Variants in MCF2L observed in about 807,000 individuals in gnomAD.
MCF2L encodes guanine nucleotide exchange factor DBS.
A neutral mutation model predicts 153.4 loss-of-function variants in MCF2L; 97 were observed. That is an observed-to-expected ratio of 0.63 (90% confidence interval 0.54 to 0.75). The LOEUF (loss-of-function observed/expected upper bound fraction) is 0.75, where lower values mean the gene tolerates loss of function less well. Ranked by LOEUF, MCF2L falls within the 30% of genes least tolerant of loss-of-function variation. The pLI is 0.00. For missense variants in MCF2L, 1,347 were observed against 1,495.2 expected (o/e 0.90, Z 1.64); for synonymous variants, 659 against 632.2 (o/e 1.04, Z -0.64).
intron 2 of MCF2L, among the ~76,000 whole-genome samples, chr13:112,936,406 CTG>C (rs2081515788): frequency 1.3e-5 from 2 of 151,774 alleles, no homozygotes; most frequent in Admixed American, 6.6e-5. Context: ...TGCTTTGGTT[CTG>C]CAGCCCAGGA....
rs941428141 is a variant in MCF2L at position 112,983,653 on chromosome 13, C to T, written c.79+14195C>T. ...TGTCCCCTGCCTTATCTCGCTGGCT[C>T]TGCCCTTGGTCATCAGGATGTGAGG... On this transcript the variant is annotated intron_variant, in intron 1 of 29. Transcript: ENST00000535094. This position sits in a 1 kb window ranked among gnomAD's most constrained non-coding sequence, Gnocchi z 4.0. Among the ~76,000 whole-genome samples the T allele has an allele frequency of 2.0e-5, 3 of 152,226 alleles. No individual in the cohort carries two copies.
At chr13:112,924,251 C>T (rs2081381727) in intron 2 of MCF2L, among the ~76,000 whole-genome samples, 1 of 152,072 alleles carries the variant, frequency 6.6e-6, no homozygotes, top group Non-Finnish European at 1.5e-5. Flanking sequence ...CGTTAGAGTG[C>T]CCCCACACGC....
In MCF2L at chr13:113,066,085, C is replaced by A; in HGVS notation, c.796C>A (p.Leu266Met). Reference sequence around the variant, plus strand: ...GGCACTGAAAGAGGGGCACAGTGTCCTGGAGAGCCTCAGGGAGCTGCAGGC... The same window carrying A: ...GGCACTGAAAGAGGGGCACAGTGTCATGGAGAGCCTCAGGGAGCTGCAGGC... ...RLALKEGHSV[L>M]ESLRELQAEG... The change falls in exon 8 of 30, where the codon CTG becomes ATG. Residue 266 changes from leucine to methionine, a missense_variant. This residue lies in a region of MCF2L where 820 missense variants were observed against 921.2 expected (regional missense o/e 0.89). Coordinates refer to ENST00000535094, the MANE Select transcript of MCF2L (RefSeq NM_001112732.3). 1.2e-6 allele frequency: 2 copies of A among 1,613,378 alleles called. No individual in the cohort carries two copies. Among genetic ancestry groups the A allele is most frequent in the Non-Finnish European group, 8.5e-7 (1 of 1,179,918 alleles).
At chr13:113,020,868 ATGTG>A (rs758429989) in intron 2 of MCF2L, among the ~76,000 whole-genome samples, 1 of 144,856 alleles carries the variant, frequency 6.9e-6, no homozygotes, top group Admixed American at 6.8e-5. Context: ...TAGTGTGTAT[ATGTG>A]TGTATGTGTA....
chr13:112,913,418 C>G (rs1209471439), intron 2 of MCF2L, among the ~76,000 whole-genome samples: 2 of 151,942 alleles, frequency 1.3e-5, no homozygotes, highest in East Asian at 3.8e-4. Flanking sequence ...GATGTGTGGC[C>G]GTCATGATGT....
In MCF2L at chr13:113,074,587, C is replaced by T. The variant is rs113134243; in HGVS notation, c.1116+24C>T. ...GCGTAAGGCGGGGTCCCGGCGGGGG[C>T]GGCGGGAGAGTGTGGGCAGCATCAT... On this transcript the variant is annotated intron_variant, in intron 10 of 29. Transcript: ENST00000535094. The surrounding 1 kb of genome is among the most constrained non-coding windows in gnomAD (Gnocchi z 4.2). 2.7e-4 allele frequency: 427 copies of T among 1,610,320 alleles called. No homozygotes were observed. The African/African-American group carries it at 4.7e-3, about 18-fold the overall frequency.
chr13:112,962,270 G>T (rs2081840359), intron 2 of MCF2L, among the ~76,000 whole-genome samples: 1 of 151,442 alleles, frequency 6.6e-6, no homozygotes, highest in Non-Finnish European at 1.5e-5. Flanking sequence ...CACACATGTA[G>T]GCACAGATGC....
rs373718146 is a variant in MCF2L at position 113,044,618 on chromosome 13, G to A, written c.279-653G>A. 3.5e-5 allele frequency: 56 copies of A among 1,585,432 alleles called. No individual in the cohort carries two copies. In the African/African-American group the frequency reaches 5.6e-4, roughly 16 times the overall value. The stretch of plus-strand genomic sequence containing the variant: ...TGGCTTGGCTGCAGAGTGAGCCCAC[G>A]GAAGAGGGCTCTCCGCACCGACTCT... On this transcript the variant is annotated intron_variant, in intron 3 of 29. Coordinates refer to ENST00000535094, the MANE Select transcript of MCF2L (RefSeq NM_001112732.3).
intron 2 of MCF2L, among the ~76,000 whole-genome samples, chr13:113,016,782 C>G (rs1242160398): frequency 1.3e-5 from 2 of 152,202 alleles, no homozygotes; most frequent in East Asian, 3.9e-4. Context: ...TCAGGCCTTG[C>G]TCAGAGGCAC....
At chr13:113,058,427 GTGTT>G (rs1350472559) in intron 4 of MCF2L, among the ~76,000 whole-genome samples, 4 of 149,414 alleles carry the variant, frequency 2.7e-5, no homozygotes, top group Admixed American at 6.7e-5. Context: ...TGGGTGCTGT[GTGTT>G]TGAGTGCTGT....
intron 1 of MCF2L, among the ~76,000 whole-genome samples, chr13:112,988,884 G>A (rs12871663): frequency 0.09 from 3,326 of 36,982 alleles, 4 homozygotes; most frequent in Non-Finnish European, 0.11. Context: ...GAGCTACCAC[G>A]CCCGAGTCCT....
At chr13:113,020,331 C>G (rs554229624) in intron 2 of MCF2L, among the ~76,000 whole-genome samples, 1 of 152,206 alleles carries the variant, frequency 6.6e-6, no homozygotes, top group Non-Finnish European at 1.5e-5. Flanking sequence ...GAAAACAAAG[C>G]AGGACACACG....
chr13:113,011,912 T>A (rs1305878244), intron 1 of MCF2L, among the ~76,000 whole-genome samples: 2 of 97,950 alleles, frequency 2.0e-5, no homozygotes, highest in Admixed American at 2.0e-4. Context: ...GTGGACACTG[T>A]GATGCGGACG....
At chr13:112,899,187 G>T (rs561780150) in intron 1 of MCF2L, among the ~76,000 whole-genome samples, 1 of 152,224 alleles carries the variant, frequency 6.6e-6, no homozygotes, top group African/African-American at 2.4e-5. Context: ...AGTTCTAGCC[G>T]CCTGTGACCG....
At position 113,064,653 on chromosome 13, in the gene MCF2L, A is replaced by C. The variant is rs945080084; in HGVS notation, c.606+233A>C. ...GCTTGGAGACCAAAAAAAAAAAAAA[A>C]ACCCTTGCGTTGTGGTTTGCAACAC... On this transcript the variant is annotated intron_variant, in intron 6 of 29. Transcript: ENST00000535094. The surrounding 1 kb of genome is among the most constrained non-coding windows in gnomAD (Gnocchi z 6.0). 2 of 588,220 alleles carry C rather than the reference A, an allele frequency of 3.4e-6. No individual in the cohort carries two copies. The highest frequency in any genetic ancestry group is 3.0e-5 in the Admixed American group (1 of 33,464). The allele number at this position is 588,220 out of a possible 1,614,324, so 36.4% of individuals were successfully genotyped here.
At chr13:112,922,311 CAG>C (rs1211612507) in intron 2 of MCF2L, among the ~76,000 whole-genome samples, 1 of 152,212 alleles carries the variant, frequency 6.6e-6, no homozygotes, top group Non-Finnish European at 1.5e-5. Context: ...TTATTCCACA[CAG>C]AACGTCTTCC....
chr13:113,026,007 A>C (rs1238750163), intron 3 of MCF2L, among the ~76,000 whole-genome samples: 5 of 60,358 alleles, frequency 8.3e-5, no homozygotes, highest in African/African-American at 2.6e-4. Flanking sequence ...GTGAGGTTTC[A>C]TCATGGTGGG....
At chr13:112,939,740 G>A (rs1383288181) in intron 2 of MCF2L, among the ~76,000 whole-genome samples, 1 of 152,222 alleles carries the variant, frequency 6.6e-6, no homozygotes, top group Admixed American at 6.5e-5. Flanking sequence ...CACTTTGGGA[G>A]GCTGAGGTGG....
chr13:113,082,342 A>G, intron 16 of MCF2L, 85 bp from the exon 17 acceptor site: 1 of 784,858 alleles, frequency 1.3e-6, no homozygotes, highest in Non-Finnish European at 2.3e-6. Context: ...GGCCTGGCCC[A>G]CAGATGAGCC....
Sources: gnomAD v4.1 joint callset for allele counts (sites outside exome capture counted in the v4.1 genomes callset) on GRCh38, gnomAD v4.1.1 for gene constraint, gnomAD v4.1.1 regional missense constraint, Gnocchi (gnomAD v3.1) non-coding constraint, MANE v1.5 for transcripts, NCBI Gene and HGNC (gene_info 2026-07-23, HGNC 2026-07-21) for gene names.